Variants in GIGYF2 observed in about 807,000 individuals in gnomAD.
The protein encoded by GIGYF2 is GRB10 interacting GYF protein 2.
A neutral mutation model predicts 208.1 loss-of-function variants in GIGYF2; 25 were observed. That is an observed-to-expected ratio of 0.12 (90% CI 0.09 to 0.17). The LOEUF is 0.17. Ranked by LOEUF, GIGYF2 falls within the 10% of genes least tolerant of loss-of-function variation. The pLI is 1.00. For missense variants in GIGYF2, 1,302 were observed against 1,579.4 expected, an observed-to-expected ratio of 0.82 and a Z score of 2.98; for synonymous variants, 534 against 543.8, an observed-to-expected ratio of 0.98 and a Z score of 0.25.
At chr2:232,835,886 T>C (rs1397389941) in intron 22 of GIGYF2, among the ~76,000 whole-genome samples, 1 of 151,966 alleles carries the variant, frequency 6.6e-6, no homozygotes, top group Non-Finnish European at 1.5e-5. Context: ...CCTGAGAATA[T>C]CCCTGGTGGT....
At chr2:232,775,235 G>A (rs1317533377) in intron 8 of GIGYF2, among the ~76,000 whole-genome samples, 1 of 152,042 alleles carries the variant, frequency 6.6e-6, no homozygotes, top group Admixed American at 6.6e-5. Context: ...CGCAGGATAA[G>A]GGGATATGGC....
intron 28 of GIGYF2, among the ~76,000 whole-genome samples, chr2:232,851,152 C>G (rs1203095573): frequency 2.0e-5 from 3 of 152,104 alleles, no homozygotes; most frequent in Non-Finnish European, 4.4e-5. Flanking sequence ...GAGACCATAT[C>G]TCTAAAAAAA....
At chr2:232,839,523 T>A (rs1385297674) in intron 22 of GIGYF2, among the ~76,000 whole-genome samples, 1 of 152,258 alleles carries the variant, frequency 6.6e-6, no homozygotes, top group Non-Finnish European at 1.5e-5. Context: ...TTCTTTTGTT[T>A]ACTCCTCTTT....
In GIGYF2 at chr2:232,815,832, T is replaced by A. The variant is rs138933943; in HGVS notation, c.2208+95T>A. On this transcript the variant is annotated intron_variant, in intron 19 of 28. Coordinates refer to ENST00000373563, the MANE Select transcript of GIGYF2 (RefSeq NM_001103146.3). ...CATCTCTCTAGCTAGCTATGCTTTT[T>A]ACTTTCAGTTTACTGCTGCTTAGCT... The A allele has an allele frequency of 9.1e-4, 671 of 735,362 alleles. 5 individuals are homozygous for A. In the East Asian group the frequency reaches 0.015, roughly 17 times the overall value. The allele number at this position is 735,362 out of a possible 1,614,324, so 45.6% of individuals were successfully genotyped here.
At chr2:232,854,544 T>G in intron 28 of GIGYF2, among the ~76,000 whole-genome samples, 1 of 152,102 alleles carries the variant, frequency 6.6e-6, no homozygotes, top group Non-Finnish European at 1.5e-5. Context: ...TGTCACTATT[T>G]TCAAGGGGGA....
intron 15 of GIGYF2, 100 bp from the exon 16 acceptor site, chr2:232,809,620 G>A (rs1178002752): frequency 2.6e-6 from 2 of 768,502 alleles, no homozygotes; most frequent in Non-Finnish European, 4.8e-6. Context: ...GGAGGTAAAG[G>A]TCTTAGATTC....
rs924384757 is a variant in GIGYF2 at position 232,778,156 on chromosome 2, G to A, written c.533-8994G>A. ...TTGCTGTGTTGTCTAGGCTGGTCTT[G>A]AACTCCTGGGCTCAAGCTGTCCTCT... is the stretch of plus-strand genomic sequence containing the variant. On this transcript the variant is annotated intron_variant, in intron 8 of 28. Coordinates refer to ENST00000373563, the MANE Select transcript of GIGYF2 (RefSeq NM_001103146.3). 1.6e-4 allele frequency among the ~76,000 whole-genome samples: 25 copies of A among 151,844 alleles called. 1 individual carries two copies. Among genetic ancestry groups the A allele is most frequent in the Non-Finnish European group, 1.5e-4 (10 of 67,962 alleles).
In GIGYF2 at chr2:232,757,782, C is replaced by T. The variant is rs537023427; in HGVS notation, c.379+1448C>T. Reference sequence around the variant, plus strand: ...TCTCTGAACAGCACCCCCCGCCCCCCGCCATTACTTAATCTAGAAACAAGT... The same window carrying T: ...TCTCTGAACAGCACCCCCCGCCCCCTGCCATTACTTAATCTAGAAACAAGT... On this transcript the variant is annotated intron_variant, in intron 6 of 28. Coordinates refer to ENST00000373563, the MANE Select transcript of GIGYF2 (RefSeq NM_001103146.3). Among the ~76,000 whole-genome samples the T allele has an allele frequency of 9.0e-5, 13 of 145,208 alleles. 2 individuals carry two copies. Among genetic ancestry groups the T allele is most frequent in the East Asian group, 8.6e-4 (4 of 4,670 alleles).
chr2:232,732,415 C>T (rs922871078), intron 2 of GIGYF2, among the ~76,000 whole-genome samples: 13 of 152,044 alleles, frequency 8.6e-5, no homozygotes, highest in Middle Eastern at 3.4e-3. Flanking sequence ...GCTGTATTTG[C>T]TTCTTTTCTG....
chr2:232,733,254 T>C (rs925813307), intron 2 of GIGYF2, among the ~76,000 whole-genome samples: 1 of 119,506 alleles, frequency 8.4e-6, no homozygotes, highest in Non-Finnish European at 1.8e-5. Flanking sequence ...GAGACTCTTG[T>C]CTCAAAAAAA....
At chr2:232,853,407 G>T (rs1473555642) in intron 28 of GIGYF2, among the ~76,000 whole-genome samples, 1 of 152,146 alleles carries the variant, frequency 6.6e-6, no homozygotes, top group African/African-American at 2.4e-5. Flanking sequence ...CCTCCCGAGT[G>T]CTGGGACTAC....
chr2:232,848,782 A>G (rs1038442429), intron 27 of GIGYF2, among the ~76,000 whole-genome samples: 2 of 152,228 alleles, frequency 1.3e-5, no homozygotes, highest in African/African-American at 4.8e-5. Flanking sequence ...TTAACTGGGA[A>G]TATATGCCTT....
chr2:232,713,933 G>C (rs1286660658), intron 2 of GIGYF2, among the ~76,000 whole-genome samples: 2 of 149,516 alleles, frequency 1.3e-5, no homozygotes, highest in African/African-American at 4.9e-5. Flanking sequence ...TGCCCTTGAG[G>C]AACTGATTTT....
intron 18 of GIGYF2, among the ~76,000 whole-genome samples, chr2:232,814,577 C>CCA (rs1553616914): frequency 1.8e-4 from 23 of 129,936 alleles, no homozygotes; most frequent in South Asian, 2.6e-4. Flanking sequence ...CCCCCCCCCC[C>CCA]AAAAAAAAAG....
chr2:232,789,610 G>A (rs540713896), intron 9 of GIGYF2, among the ~76,000 whole-genome samples: 29 of 152,044 alleles, frequency 1.9e-4, no homozygotes, highest in African/African-American at 6.3e-4. Context: ...CCTGTATTTG[G>A]CATTTTAACG....
At chr2:232,847,846 A>G (rs1218777561) in intron 27 of GIGYF2, among the ~76,000 whole-genome samples, 1 of 152,242 alleles carries the variant, frequency 6.6e-6, no homozygotes, top group Non-Finnish European at 1.5e-5. Context: ...ACATTTCAAC[A>G]TGTCAAACCC....
rs534709760 is a variant in GIGYF2 at position 232,739,482 on chromosome 2, C to T, written c.41+4244C>T. On this transcript the variant is annotated intron_variant, in intron 3 of 28. Transcript: ENST00000373563. ...GAGCCCAGAAGTTCGAAACAAGCCT[C>T]GGCAACACAGTGAGATCCTCTTCTC... 5.9e-4 allele frequency among the ~76,000 whole-genome samples: 88 copies of T among 148,368 alleles called. 1 individual carries two copies. The highest frequency in any genetic ancestry group is 2.1e-3 in the African/African-American group (83 of 40,270).
intron 3 of GIGYF2, among the ~76,000 whole-genome samples, chr2:232,744,892 CTG>C (rs1213360049): frequency 1.3e-5 from 2 of 152,138 alleles, no homozygotes; most frequent in African/African-American, 2.4e-5. Flanking sequence ...CTGCCCGTGA[CTG>C]TGGACAAGTT....
rs774380473 is a variant in GIGYF2, at chr2:232,768,218, C to T, written c.532+6782C>T. ...ATTCTGTCAGTCCTGTTTCAGAGATCTGAAAATTGTCAATGCTTTGTCCAT... is the reference window on the plus strand; with the variant it reads ...ATTCTGTCAGTCCTGTTTCAGAGATTTGAAAATTGTCAATGCTTTGTCCAT... On this transcript the variant is annotated intron_variant, in intron 8 of 28. Coordinates refer to ENST00000373563, the MANE Select transcript of GIGYF2 (RefSeq NM_001103146.3). 1 of 1,614,110 alleles carries T rather than the reference C, an allele frequency of 6.2e-7. No individual in the cohort carries two copies. Among genetic ancestry groups the T allele is most frequent in the Non-Finnish European group, 8.5e-7 (1 of 1,179,978 alleles).
Sources: allele counts gnomAD v4.1 joint callset (sites outside exome capture counted in the v4.1 genomes callset), GRCh38; gene constraint gnomAD v4.1.1; transcripts MANE v1.5; gene names NCBI Gene and HGNC (gene_info 2026-07-23, HGNC 2026-07-21).